Variants in NAALADL2 observed in about 807,000 individuals in gnomAD.
The protein encoded by NAALADL2 is inactive N-acetylated-alpha-linked acidic dipeptidase-like protein 2.
A neutral mutation model predicts 87.2 loss-of-function variants in NAALADL2; 76 were observed. The observed-to-expected ratio is 0.87, with a 90% CI of 0.72 to 1.05. The LOEUF is 1.05. NAALADL2 is among the 50% of genes least tolerant of loss of function. The probability of loss-of-function intolerance (pLI) is 0.00; values close to 1 mark genes in which losing one functional copy is unlikely to be tolerated. For missense variants in NAALADL2, 1,089 were observed against 945.8 expected, an observed-to-expected ratio of 1.15 and a Z score of -1.99; for synonymous variants, 354 against 331.0, an observed-to-expected ratio of 1.07 and a Z score of -0.75.
In NAALADL2 at chr3:174,442,408, C is replaced by T. The variant is rs370377197; in HGVS notation, c.-184+1376C>T. 1.6e-4 allele frequency among the ~76,000 whole-genome samples: 24 copies of T among 151,682 alleles called. No individual in the cohort carries two copies. The East Asian group carries it at 3.7e-3, about 23-fold the overall frequency. Reference sequence around the variant, plus strand: ...AGAGATTTTTTTTCTCCTTTACAATCGGCAGTAATGTCTGATCTCAAGACT... The same window carrying T: ...AGAGATTTTTTTTCTCCTTTACAATTGGCAGTAATGTCTGATCTCAAGACT... On this transcript the variant is annotated intron_variant, in intron 1 of 3. Transcript: ENST00000434257.
intron 1 of NAALADL2, among the ~76,000 whole-genome samples, chr3:174,884,735 A>T (rs1729849884): frequency 6.6e-6 from 1 of 152,140 alleles, no homozygotes; most frequent in Non-Finnish European, 1.5e-5. Flanking sequence ...CCCTTAATAT[A>T]CACTCTCATG....
At chr3:175,718,161 T>TA (rs1741622000) in intron 11 of NAALADL2, 1 of 1,188,828 alleles carries the variant, frequency 8.4e-7, no homozygotes, top group Non-Finnish European at 1.2e-6. Flanking sequence ...GAAGACTGAT[T>TA]AAATCGAATG....
chr3:175,733,324 G>A (rs1261984971), intron 11 of NAALADL2, among the ~76,000 whole-genome samples: 6 of 152,168 alleles, frequency 3.9e-5, no homozygotes, highest in East Asian at 1.9e-4. Context: ...CATGTTGGAA[G>A]GCAAGGTGGA....
chr3:175,789,983 A>C (rs578226464), intron 13 of NAALADL2, among the ~76,000 whole-genome samples: 11 of 152,292 alleles, frequency 7.2e-5, no homozygotes, highest in African/African-American at 2.6e-4. Flanking sequence ...AGTCTAGAGC[A>C]TCTAGGAAAG....
At chr3:175,155,395 A>G (rs1432139070) in intron 2 of NAALADL2, among the ~76,000 whole-genome samples, 2 of 152,168 alleles carry the variant, frequency 1.3e-5, no homozygotes, top group Non-Finnish European at 2.9e-5. Context: ...CGGTCCTGTC[A>G]GAATCAAAGT....
At chr3:174,695,110 A>T (rs148788039) in intron 2 of NAALADL2, among the ~76,000 whole-genome samples, 1 of 152,180 alleles carries the variant, frequency 6.6e-6, no homozygotes, top group African/African-American at 2.4e-5. Flanking sequence ...CTGCCATGTC[A>T]CTTAGGTATA....
intron 1 of NAALADL2, among the ~76,000 whole-genome samples, chr3:174,473,904 G>T (rs1257250549): frequency 2.0e-5 from 3 of 152,104 alleles, no homozygotes; most frequent in Non-Finnish European, 4.4e-5. Flanking sequence ...ACAGTTCTGT[G>T]TGGCTGGGGA....
In NAALADL2 at chr3:175,217,239, A is replaced by C. The variant is rs544891831; in HGVS notation, c.546-16692A>C. ...CCAAAACTTACACAGGGAGGTATAA[A>C]TGCATATAAAAATCAAGACATTTCA... On this transcript the variant is annotated intron_variant, in intron 2 of 13. Coordinates refer to ENST00000454872, the MANE Select transcript of NAALADL2 (RefSeq NM_207015.3). Among the ~76,000 whole-genome samples the C allele has an allele frequency of 2.8e-4, 43 of 152,324 alleles. 2 individuals carry two copies. In the South Asian group the frequency reaches 7.7e-3, roughly 27 times the overall value.
intron 4 of NAALADL2, among the ~76,000 whole-genome samples, chr3:175,321,427 A>G (rs1189054737): frequency 2.8e-5 from 3 of 108,436 alleles, no homozygotes; most frequent in Admixed American, 9.6e-5. Context: ...AAACTTGCAC[A>G]AGACAGGGAT....
At chr3:175,585,169 A>C (rs75807851) in intron 10 of NAALADL2, among the ~76,000 whole-genome samples, 39,653 of 151,186 alleles carry the variant, frequency 0.26, 6,932 homozygotes, top group African/African-American at 0.5. Context: ...ACTTTAAAAA[A>C]TTTTTTTTGT....
chr3:174,928,202 G>C (rs2108398186), intron 1 of NAALADL2, among the ~76,000 whole-genome samples: 1 of 152,120 alleles, frequency 6.6e-6, no homozygotes, highest in African/African-American at 2.4e-5. Flanking sequence ...CAGATGTTAG[G>C]GATATTGTAA....
intron 11 of NAALADL2, among the ~76,000 whole-genome samples, chr3:175,636,239 C>A (rs1728517701): frequency 6.6e-6 from 1 of 152,000 alleles, no homozygotes; most frequent in South Asian, 2.1e-4. Flanking sequence ...CTTGGTAGAC[C>A]TCTGCACATG....
At chr3:174,546,737 A>G (rs774950077) in intron 1 of NAALADL2, among the ~76,000 whole-genome samples, 7 of 152,100 alleles carry the variant, frequency 4.6e-5, no homozygotes, top group Non-Finnish European at 1.0e-4. Flanking sequence ...GGCTTACTAC[A>G]TCCTCGACCT....
intron 9 of NAALADL2, among the ~76,000 whole-genome samples, chr3:175,513,407 G>A (rs1009948611): frequency 3.3e-5 from 5 of 152,116 alleles, no homozygotes; most frequent in Middle Eastern, 3.2e-3. Flanking sequence ...TGACTACTCT[G>A]CAGAGCAGCA....
intron 1 of NAALADL2, among the ~76,000 whole-genome samples, chr3:174,933,726 C>G (rs1737255339): frequency 6.6e-6 from 1 of 152,156 alleles, no homozygotes; most frequent in Non-Finnish European, 1.5e-5. Context: ...TTTCTACACT[C>G]TAGGATATCT....
At chr3:175,327,581 T>G (rs564184094) in intron 5 of NAALADL2, among the ~76,000 whole-genome samples, 4 of 152,138 alleles carry the variant, frequency 2.6e-5, no homozygotes, top group Non-Finnish European at 5.9e-5. Context: ...AATTCAGTGA[T>G]GGGTAACTCA....
intron 2 of NAALADL2, among the ~76,000 whole-genome samples, chr3:174,702,264 A>G (rs1729626116): frequency 6.6e-6 from 1 of 152,190 alleles, no homozygotes; most frequent in Non-Finnish European, 1.5e-5. Flanking sequence ...GTTTTAACCA[A>G]TAGGCAATGG....
At position 174,538,573 on chromosome 3, in the gene NAALADL2, C is replaced by A. The variant is rs373525421; in HGVS notation, c.-183-11996C>A. Among the ~76,000 whole-genome samples, 17 of 152,214 alleles carry A rather than the reference C, an allele frequency of 1.1e-4. No individual in the cohort carries two copies. The South Asian group carries it at 2.9e-3, about 26-fold the overall frequency. On this transcript the variant is annotated intron_variant, in intron 1 of 3. Transcript: ENST00000434257. ...GAAGGGGAAAGGAAAAAAGACCTTC[C>A]CTTTCTAGGTGTCTTTCCTGAACGA...
At chr3:175,091,105 T>A (rs1720039439) in intron 1 of NAALADL2, among the ~76,000 whole-genome samples, 1 of 152,134 alleles carries the variant, frequency 6.6e-6, no homozygotes, top group South Asian at 2.1e-4. Flanking sequence ...CAAAAATTTA[T>A]TCCACAAACA....
Sources: allele counts gnomAD v4.1 joint callset (sites outside exome capture counted in the v4.1 genomes callset), GRCh38; gene constraint gnomAD v4.1.1; transcripts MANE v1.5; gene names NCBI Gene and HGNC (gene_info 2026-07-23, HGNC 2026-07-21).